EPHA5: variants seen among roughly 807,000 people sequenced by gnomAD.
EPHA5 encodes ephrin type-A receptor 5.
EPHA5 carries 60 observed loss-of-function variants against 105.0 expected under a neutral mutation model. The ratio of observed to expected loss-of-function variants is 0.57; its 90% CI spans 0.46 to 0.71. The LOEUF is 0.71. EPHA5 is among the 30% of genes least tolerant of loss of function. EPHA5 has a pLI of 0.00. For synonymous variants in EPHA5, 513 were observed against 449.1 expected (o/e 1.14, Z -1.80); for missense variants, 1,218 against 1,274.7 (o/e 0.96, Z 0.68).
chr4:65,390,598 A>C lies in EPHA5; in HGVS notation c.1793+13776T>G, dbSNP rs184142151. The stretch of plus-strand genomic sequence containing the variant: ...TGAACACAGGGCAAGAACTCAACAA[A>C]CAGCAACCATCATGGGTATGCAGAT... On this transcript the variant is annotated intron_variant, in intron 8 of 16. Transcript: ENST00000613740. Among the ~76,000 whole-genome samples the C allele has an allele frequency of 1.1e-4, 16 of 152,152 alleles. No individual in the cohort carries two copies. The East Asian group carries it at 2.1e-3, about 20-fold the overall frequency.
At chr4:65,518,642 C>T (rs4604104) in intron 3 of EPHA5, among the ~76,000 whole-genome samples, 11 of 151,908 alleles carry the variant, frequency 7.2e-5, no homozygotes, top group South Asian at 2.1e-4. Flanking sequence ...TATGTTCTTA[C>T]GTCAGATGTA....
chr4:65,602,363 C>G (rs2149442633), intron 2 of EPHA5, 59 bp from the exon 3 acceptor site: 1 of 1,351,800 alleles, frequency 7.4e-7, no homozygotes, highest in Non-Finnish European at 9.8e-7. Context: ...TAACAAGGAA[C>G]TATAGCAAAA....
At chr4:65,567,627 AC>A (rs902204317) in intron 3 of EPHA5, among the ~76,000 whole-genome samples, 14 of 151,722 alleles carry the variant, frequency 9.2e-5, no homozygotes, top group Admixed American at 2.0e-4. Context: ...AATGATTTTT[AC>A]AGAATTTCAA....
intron 1 of EPHA5, among the ~76,000 whole-genome samples, chr4:65,665,721 C>G (rs1749910520): frequency 6.6e-6 from 1 of 152,006 alleles, no homozygotes; most frequent in Admixed American, 6.5e-5. Flanking sequence ...TAAATGAAAT[C>G]CTCTTACCTG....
At chr4:65,539,268 G>C (rs749680586) in intron 3 of EPHA5, among the ~76,000 whole-genome samples, 5 of 151,600 alleles carry the variant, frequency 3.3e-5, no homozygotes, top group Non-Finnish European at 5.9e-5. Flanking sequence ...AGACAAGCTA[G>C]AAGAAATTTC....
At chr4:65,566,777 C>T (rs1037183379) in intron 3 of EPHA5, among the ~76,000 whole-genome samples, 2 of 151,754 alleles carry the variant, frequency 1.3e-5, no homozygotes, top group African/African-American at 4.8e-5. Context: ...CTAATTATTA[C>T]ATTTTTTTCT....
At chr4:65,462,114 G>A (rs1728184368) in intron 5 of EPHA5, among the ~76,000 whole-genome samples, 1 of 151,984 alleles carries the variant, frequency 6.6e-6, no homozygotes, top group African/African-American at 2.4e-5. Flanking sequence ...TTACATTTTA[G>A]GAATCGTCTG....
chr4:65,508,622 C>T (rs1047033216), intron 3 of EPHA5, among the ~76,000 whole-genome samples: 4 of 152,124 alleles, frequency 2.6e-5, no homozygotes, highest in South Asian at 4.1e-4. Flanking sequence ...AAAGCATTCA[C>T]GATTACATTC....
At chr4:65,475,000 G>A (rs1222576968) in intron 5 of EPHA5, among the ~76,000 whole-genome samples, 1 of 152,060 alleles carries the variant, frequency 6.6e-6, no homozygotes, top group Non-Finnish European at 1.5e-5. Flanking sequence ...GTGGATTTGA[G>A]TAAATGCTTT....
intron 2 of EPHA5, among the ~76,000 whole-genome samples, chr4:65,612,423 G>A (rs1188353373): frequency 6.6e-6 from 1 of 152,064 alleles, no homozygotes; most frequent in Admixed American, 6.6e-5. Flanking sequence ...GGGAACATCT[G>A]GAATTTGACT....
intron 1 of EPHA5, among the ~76,000 whole-genome samples, chr4:65,666,015 T>G (rs1419587437): frequency 2.6e-5 from 4 of 152,214 alleles, no homozygotes; most frequent in African/African-American, 9.6e-5. Flanking sequence ...AATAAAGCCA[T>G]TTAGTTTTAC....
At chr4:65,648,313 A>G (rs1306560251) in intron 1 of EPHA5, among the ~76,000 whole-genome samples, 2 of 152,202 alleles carry the variant, frequency 1.3e-5, no homozygotes, top group East Asian at 1.9e-4. Context: ...TATCCTTAAC[A>G]TCTTGCCAAC....
chr4:65,558,243 A>G (rs1042783952), intron 3 of EPHA5, among the ~76,000 whole-genome samples: 2 of 152,100 alleles, frequency 1.3e-5, no homozygotes, highest in African/African-American at 4.8e-5. Context: ...GTGTGTAAGT[A>G]TGGTTATATG....
rs145699350 is a variant in EPHA5 at position 65,460,400 on chromosome 4, G to A, written c.1402+29977C>T. ...TTAAAACATTATTTAGTTTCCTTATGTCTCAGATTTTTAGCTTTGAATGAA... is the reference window on the plus strand; with the variant it reads ...TTAAAACATTATTTAGTTTCCTTATATCTCAGATTTTTAGCTTTGAATGAA... On this transcript the variant is annotated intron_variant, in intron 5 of 16. Transcript: ENST00000613740. 2.6e-3 allele frequency among the ~76,000 whole-genome samples: 393 copies of A among 150,782 alleles called. 1 individual carries two copies. Among genetic ancestry groups the A allele is most frequent in the African/African-American group, 8.6e-3 (354 of 41,212 alleles).
chr4:65,419,440 T>C (rs1560517268), intron 6 of EPHA5, among the ~76,000 whole-genome samples: 2 of 152,168 alleles, frequency 1.3e-5, no homozygotes, highest in East Asian at 3.9e-4. Flanking sequence ...ATTGAGTAAG[T>C]AGCGTGGTTC....
rs1750312706 is a variant in EPHA5, at chr4:65,669,838, G to A, written c.-96C>T. On this transcript the variant is annotated 5_prime_UTR_variant, in exon 1 of 17. Transcript: ENST00000613740. ...GAAGGGAGACTCGGGAGTCCTCCTTGTCCCCCCTTGGGGTCCTACGCCTTC... is the reference window on the plus strand; with the variant it reads ...GAAGGGAGACTCGGGAGTCCTCCTTATCCCCCCTTGGGGTCCTACGCCTTC... 1 of 1,232,732 alleles carries A rather than the reference G, an allele frequency of 8.1e-7. No individual in the cohort carries two copies. The highest frequency in any genetic ancestry group is 1.5e-5 in the African/African-American group (1 of 64,558). 76.4% of individuals were successfully genotyped at this position (1,232,732 alleles called of 1,614,324 possible).
At position 65,602,322 on chromosome 4, in the gene EPHA5, G is replaced by A. The variant is rs2149442440; in HGVS notation, c.247-18C>T. On this transcript the variant is annotated intron_variant, in intron 2 of 16. Coordinates refer to ENST00000613740, the MANE Select transcript of EPHA5 (RefSeq NM_001281766.3). The stretch of plus-strand genomic sequence containing the variant: ...TCTTCCCACTGTACAATATAAAATA[G>A]AAAGATAAAAAAAATTCAAAAAATA... 1 of 1,366,904 alleles carries A rather than the reference G, an allele frequency of 7.3e-7. No individual in the cohort carries two copies. Among genetic ancestry groups the A allele is most frequent in the Non-Finnish European group, 9.4e-7 (1 of 1,061,998 alleles). The allele number at this position is 1,366,904 out of a possible 1,614,324, so 84.7% of individuals were successfully genotyped here. A position where few individuals can be genotyped will look rare whatever the true frequency, so the allele number is the denominator to read the frequency against.
At chr4:65,445,508 G>T (rs565533760) in intron 5 of EPHA5, among the ~76,000 whole-genome samples, 37 of 152,172 alleles carry the variant, frequency 2.4e-4, no homozygotes, top group African/African-American at 8.7e-4. Flanking sequence ...TAGTAATGAA[G>T]ATGCCAACAG....
chr4:65,430,621 C>A (rs1369113633), intron 5 of EPHA5, among the ~76,000 whole-genome samples: 1 of 151,968 alleles, frequency 6.6e-6, no homozygotes, highest in African/African-American at 2.4e-5. Context: ...GAAGTAGAAA[C>A]TATTATCGTC....
Sources: gnomAD v4.1 joint callset for allele counts (sites outside exome capture counted in the v4.1 genomes callset) on GRCh38, gnomAD v4.1.1 for gene constraint, MANE v1.5 for transcripts, NCBI Gene and HGNC (gene_info 2026-07-23, HGNC 2026-07-21) for gene names.